Variants in PSMA5 observed in about 807,000 individuals in gnomAD.
PSMA5 encodes the protein proteasome 20S subunit alpha 5, also known as proteasome subunit alpha type-5.
PSMA5 carries 3 observed loss-of-function variants against 34.5 expected under a neutral mutation model. That is an observed-to-expected ratio of 0.09 (90% CI 0.04 to 0.22). PSMA5 has a LOEUF of 0.22. PSMA5 is among the 10% of genes least tolerant of loss of function. PSMA5 has a pLI of 1.00. For missense variants in PSMA5, 120 were observed against 286.1 expected, an observed-to-expected ratio of 0.42 and a Z score of 4.19; for synonymous variants, 88 against 95.8, an observed-to-expected ratio of 0.92 and a Z score of 0.47.
intron 1 of PSMA5, 65 bp downstream of exon 1, chr1:109,426,237 C>G: frequency 1.3e-6 from 2 of 1,598,188 alleles, no homozygotes; most frequent in East Asian, 2.2e-5. Context: ...GAACCCAGGC[C>G]GCGCGGCCAG....
In PSMA5 at chr1:109,425,956, A is replaced by T. The variant is rs1654638503; in HGVS notation, c.29+346T>A. On this transcript the variant is annotated intron_variant, in intron 1 of 8. Coordinates refer to ENST00000271308, the MANE Select transcript of PSMA5 (RefSeq NM_002790.4). The stretch of plus-strand genomic sequence containing the variant: ...TTTTGTTTGTTTGTTCAAGGCAGTC[A>T]TACTAGGCACGAAAAGATGAACGGA... The T allele has an allele frequency of 3.6e-5, 14 of 393,416 alleles. No homozygotes were observed. The South Asian group carries it at 6.4e-4, about 18-fold the overall frequency. 24.4% of individuals were successfully genotyped at this position (393,416 alleles called of 1,614,324 possible). A position where few individuals can be genotyped will look rare whatever the true frequency, so the allele number is the denominator to read the frequency against.
intron 3 of PSMA5, among the ~76,000 whole-genome samples, chr1:109,413,966 C>G (rs990007780): frequency 1.3e-5 from 2 of 152,184 alleles, no homozygotes; most frequent in African/African-American, 4.8e-5. Context: ...TCTTTAATAT[C>G]ATTATCAGAA....
chr1:109,412,235 A>G, intron 4 of PSMA5, 51 bp from the exon 5 acceptor site: 1 of 1,443,364 alleles, frequency 6.9e-7, no homozygotes, highest in Non-Finnish European at 9.8e-7. Context: ...ACATTAAAGC[A>G]GCCCACCATC....
At chr1:109,423,239 G>C (rs377569149) in intron 1 of PSMA5, among the ~76,000 whole-genome samples, 1 of 152,232 alleles carries the variant, frequency 6.6e-6, no homozygotes, top group Non-Finnish European at 1.5e-5. Context: ...AGGAGTTCGA[G>C]ACCAGGCTGG....
intron 2 of PSMA5, among the ~76,000 whole-genome samples, chr1:109,415,805 T>C (rs1361202956): frequency 6.6e-6 from 1 of 152,168 alleles, no homozygotes; most frequent in East Asian, 1.9e-4. Context: ...CCTGGCCTCT[T>C]TTCACCTCTG....
Position 109,417,902 on chromosome 1 carries a change from T to C in PSMA5, c.97-2539A>G, listed in dbSNP as rs578254753. On this transcript the variant is annotated intron_variant, in intron 2 of 8. Coordinates refer to ENST00000271308, the MANE Select transcript of PSMA5 (RefSeq NM_002790.4). The stretch of plus-strand genomic sequence containing the variant: ...TCATCACTACTATGGGCAAGGCATT[T>C]TGATATCTACTGCTCTGTTTCACTT... Among the ~76,000 whole-genome samples, 38 of 152,290 alleles carry C rather than the reference T, an allele frequency of 2.5e-4. 1 individual carries two copies. In the South Asian group the frequency reaches 7.9e-3, roughly 32 times the overall value.
rs1653424020 is a variant in PSMA5, at chr1:109,399,744, G to A, written c.*2269C>T. On this transcript the variant is annotated 3_prime_UTR_variant, in exon 9 of 9. Coordinates refer to ENST00000271308, the MANE Select transcript of PSMA5 (RefSeq NM_002790.4). ...TATGGCACTGAGAAAATGTTTGAGTGAATATATTTATTATTTCACTTTTTA... is the reference window on the plus strand; with the variant it reads ...TATGGCACTGAGAAAATGTTTGAGTAAATATATTTATTATTTCACTTTTTA... 1 of 152,124 alleles carries A rather than the reference G, an allele frequency of 6.6e-6. No homozygotes were observed. Among genetic ancestry groups the A allele is most frequent in the South Asian group, 2.1e-4 (1 of 4,828 alleles). The allele number at this position is 152,124 out of a possible 1,614,324, so 9.4% of individuals were successfully genotyped here. A position where few individuals can be genotyped will look rare whatever the true frequency, so the allele number is the denominator to read the frequency against.
intron 7 of PSMA5, among the ~76,000 whole-genome samples, 172 bp from the exon 8 acceptor site, chr1:109,410,186 G>A (rs1345045399): frequency 6.6e-6 from 1 of 151,922 alleles, no homozygotes; most frequent in African/African-American, 2.4e-5. Context: ...CAAATAAGTA[G>A]AATACATTTT....
intron 6 of PSMA5, 103 bp downstream of exon 6, chr1:109,411,774 G>A: frequency 3.5e-6 from 4 of 1,155,372 alleles, no homozygotes; most frequent in Non-Finnish European, 3.8e-6. Flanking sequence ...ACAGGTGTGT[G>A]CTAATACCTG....
intron 2 of PSMA5, among the ~76,000 whole-genome samples, chr1:109,419,898 T>C (rs1174830661): frequency 6.8e-6 from 1 of 147,086 alleles, no homozygotes; most frequent in South Asian, 2.1e-4. Context: ...CACTTGAGCC[T>C]GGTAGGTTGA....
At position 109,406,162 on chromosome 1, in the gene PSMA5, A is replaced by G. The variant is rs1198976380; in HGVS notation, c.648+3766T>C. On this transcript the variant is annotated intron_variant, in intron 8 of 8. Transcript: ENST00000271308. ...TTCAAAAAAGTCAAATGATAGTTCC[A>G]AAGAGTGACCATGAAATCTGACAAA... 2.0e-5 allele frequency among the ~76,000 whole-genome samples: 3 copies of G among 152,242 alleles called. No homozygotes were observed. The East Asian group carries it at 5.8e-4, about 29-fold the overall frequency.
At chr1:109,416,791 C>CA (rs1654218737) in intron 2 of PSMA5, among the ~76,000 whole-genome samples, 1 of 152,066 alleles carries the variant, frequency 6.6e-6, no homozygotes, top group South Asian at 2.1e-4. Flanking sequence ...GATGAACTGT[C>CA]AAAAAATTTT....
At chr1:109,422,009 T>C in intron 1 of PSMA5, 83 bp from the exon 2 acceptor site, 1 of 792,054 alleles carries the variant, frequency 1.3e-6, no homozygotes, top group Non-Finnish European at 1.9e-6. Context: ...GACAACTAGC[T>C]CAGATAGCTA....
chr1:109,413,968 T>C lies in PSMA5; in HGVS notation c.224-833A>G, dbSNP rs544412580. Among the ~76,000 whole-genome samples, 13 of 152,344 alleles carry C rather than the reference T, an allele frequency of 8.5e-5. No individual in the cohort carries two copies. The South Asian group carries it at 2.3e-3, about 27-fold the overall frequency. ...CCTCTTTAGTCTATCTTTAATATCA[T>C]TATCAGAATGGCCTTTCTAAAATTA... On this transcript the variant is annotated intron_variant, in intron 3 of 8. Coordinates refer to ENST00000271308, the MANE Select transcript of PSMA5 (RefSeq NM_002790.4).
intron 2 of PSMA5, among the ~76,000 whole-genome samples, chr1:109,419,504 C>CA (rs973067792): frequency 3.6e-4 from 54 of 151,970 alleles, no homozygotes; most frequent in Non-Finnish European, 6.9e-4. Flanking sequence ...CCCGTCTCTA[C>CA]AAAAAATACA....
At chr1:109,418,067 TA>T (rs1052747196) in intron 2 of PSMA5, among the ~76,000 whole-genome samples, 13 of 150,420 alleles carry the variant, frequency 8.6e-5, no homozygotes, top group Non-Finnish European at 1.6e-4. Flanking sequence ...CCACAAAAAA[TA>T]AAAAAAAATA....
At chr1:109,417,851 A>G (rs373964470) in intron 2 of PSMA5, among the ~76,000 whole-genome samples, 1 of 152,172 alleles carries the variant, frequency 6.6e-6, no homozygotes, top group South Asian at 2.1e-4. Flanking sequence ...TACATAACAG[A>G]AACAAAATTT....
intron 3 of PSMA5, among the ~76,000 whole-genome samples, chr1:109,413,474 C>G (rs1331851061): frequency 2.6e-5 from 4 of 152,180 alleles, no homozygotes; most frequent in African/African-American, 9.6e-5. Context: ...GAAGCAAATA[C>G]TAATGCCCCA....
rs1244152942 is a variant in PSMA5, at chr1:109,426,396, C to T, written c.-66G>A. 3.8e-6 allele frequency: 6 copies of T among 1,595,824 alleles called. No individual in the cohort carries two copies. The highest frequency in any genetic ancestry group is 2.7e-5 in the African/African-American group (2 of 74,514). ...AGGACCAACACGACTCCACCGGCAC[C>T]CAACTCACCGGCAGCCAACTCACCC... On this transcript the variant is annotated 5_prime_UTR_variant, in exon 1 of 9. Coordinates refer to ENST00000271308, the MANE Select transcript of PSMA5 (RefSeq NM_002790.4).
Sources: gnomAD v4.1 joint callset for allele counts (sites outside exome capture counted in the v4.1 genomes callset) on GRCh38, gnomAD v4.1.1 for gene constraint, MANE v1.5 for transcripts, NCBI Gene and HGNC (gene_info 2026-07-23, HGNC 2026-07-21) for gene names.